OSBPL9: variants seen among roughly 807,000 people sequenced by gnomAD.
OSBPL9 encodes oxysterol binding protein like 9, also known as oxysterol-binding protein-related protein 9.
OSBPL9 carries 40 observed loss-of-function variants against 106.6 expected under a neutral mutation model. That is an observed-to-expected ratio of 0.38 (90% confidence interval 0.29 to 0.49). The LOEUF (loss-of-function observed/expected upper bound fraction) is 0.49, where lower values mean the gene tolerates loss of function less well. Ranked by LOEUF, OSBPL9 falls within the 20% of genes least tolerant of loss-of-function variation. The pLI is 0.97. For synonymous variants in OSBPL9, 269 were observed against 295.4 expected (o/e 0.91, Z 0.92); for missense variants, 609 against 887.2 (o/e 0.69, Z 3.98).
chr1:51,675,379 T>G (rs1650942753), intron 3 of OSBPL9, among the ~76,000 whole-genome samples: 1 of 151,568 alleles, frequency 6.6e-6, no homozygotes, highest in African/African-American at 2.4e-5. Flanking sequence ...ATTTATTTAT[T>G]TATTTATTTT....
chr1:51,760,659 A>C, intron 9 of OSBPL9, 31 bp from the exon 10 acceptor site: 1 of 1,612,834 alleles, frequency 6.2e-7, no homozygotes, highest in South Asian at 1.1e-5. Flanking sequence ...CATTTAATTA[A>C]AAATAGCTAT....
intron 2 of OSBPL9, among the ~76,000 whole-genome samples, chr1:51,601,199 T>C (rs1247392462): frequency 6.6e-6 from 1 of 152,230 alleles, no homozygotes; most frequent in African/African-American, 2.4e-5. Context: ...CCTCTGCAGA[T>C]TTAATTACAA....
Position 51,595,441 on chromosome 1 carries a change from T to A in OSBPL9, c.-422-2683T>A, listed in dbSNP as rs573637208. 3.3e-5 allele frequency among the ~76,000 whole-genome samples: 5 copies of A among 152,282 alleles called. No individual in the cohort carries two copies. In the South Asian group the frequency reaches 1.0e-3, roughly 32 times the overall value. On this transcript the variant is annotated intron_variant, in intron 1 of 25. Transcript: ENST00000371714. ...AGAAACCACGATGATATCTGTTTAT[T>A]TTAACAGAAATGCAGGGCCTGAGGG...
At chr1:51,746,265 T>G (rs959591063) in intron 5 of OSBPL9, among the ~76,000 whole-genome samples, 2 of 152,224 alleles carry the variant, frequency 1.3e-5, no homozygotes, top group Non-Finnish European at 2.9e-5. Context: ...TCTAACACTT[T>G]TTTAATTTGA....
At chr1:51,770,866 C>T (rs1342037735) in intron 12 of OSBPL9, among the ~76,000 whole-genome samples, 1 of 152,140 alleles carries the variant, frequency 6.6e-6, no homozygotes, top group Non-Finnish European at 1.5e-5. Flanking sequence ...TGAAACTATT[C>T]TGTATGATAC....
intron 2 of OSBPL9, among the ~76,000 whole-genome samples, 177 bp from the exon 3 acceptor site, chr1:51,669,257 C>T (rs61068791): frequency 9.6e-4 from 146 of 152,306 alleles, no homozygotes; most frequent in African/African-American, 3.3e-3. Flanking sequence ...AGTGTCCTGC[C>T]AGCTCCTCTC....
At chr1:51,718,274 A>G (rs1661442090) in intron 4 of OSBPL9, among the ~76,000 whole-genome samples, 1 of 152,180 alleles carries the variant, frequency 6.6e-6, no homozygotes, top group Non-Finnish European at 1.5e-5. Context: ...ATGAGAACGA[A>G]TAAGATCTAC....
At chr1:51,566,397 G>A in the OSBPL9 span, 6,030 of 152,202 alleles carry the variant, frequency 0.04, 175 homozygotes, top group Non-Finnish European at 0.062. Context: ...TGGTTTCTGG[G>A]CGTAGGGTCT....
At chr1:51,713,935 T>A in intron 3 of OSBPL9, 68 bp from the exon 4 acceptor site, 1 of 1,234,108 alleles carries the variant, frequency 8.1e-7, no homozygotes. Flanking sequence ...TTTAAAATGA[T>A]ATTTTCAAAT....
chr1:51,616,804 G>T (rs181024488), upstream of OSBPL9: 1 of 261,782 alleles, frequency 3.8e-6, no homozygotes, highest in Admixed American at 5.0e-5. Context: ...GAAGTGGAAG[G>T]TATCATGGCC....
chr1:51,587,053 C>G (rs1645251023), intron 1 of OSBPL9, among the ~76,000 whole-genome samples: 1 of 152,148 alleles, frequency 6.6e-6, no homozygotes, highest in Non-Finnish European at 1.5e-5. Context: ...CACCCTAGGC[C>G]TTGTCATCAG....
the OSBPL9 span, among the ~76,000 whole-genome samples, chr1:51,543,009 C>A: frequency 0.078 from 11,855 of 152,216 alleles, 526 homozygotes; most frequent in Middle Eastern, 0.1. Context: ...CTAAATCCTT[C>A]ATGTGTAAAA....
intron 2 of OSBPL9, among the ~76,000 whole-genome samples, chr1:51,601,663 C>T (rs1240750573): frequency 6.6e-6 from 1 of 152,220 alleles, no homozygotes; most frequent in East Asian, 1.9e-4. Context: ...AGTTTCTTCT[C>T]CCTGAGTAAG....
intron 2 of OSBPL9, among the ~76,000 whole-genome samples, chr1:51,664,664 C>G (rs1215909425): frequency 6.6e-6 from 1 of 151,998 alleles, no homozygotes; most frequent in Non-Finnish European, 1.5e-5. Context: ...TGCAGTCCAA[C>G]CTTGGCAACA....
At chr1:51,619,556 G>A (rs1230219982) in intron 1 of OSBPL9, among the ~76,000 whole-genome samples, 1 of 152,042 alleles carries the variant, frequency 6.6e-6, no homozygotes, top group African/African-American at 2.4e-5. Context: ...ACTAACAGCT[G>A]TTTAGAAGAT....
intron 4 of OSBPL9, chr1:51,740,207 TAATTGTAAGTGATTG>T: frequency 6.5e-7 from 1 of 1,538,190 alleles, no homozygotes; most frequent in Non-Finnish European, 8.7e-7. Context: ...TTTTCAAAAA[TAATTGTAAGTGATTG>T]AATTGTAAGT....
At chr1:51,777,909 T>C (rs1675436197) in intron 15 of OSBPL9, among the ~76,000 whole-genome samples, 1 of 152,104 alleles carries the variant, frequency 6.6e-6, no homozygotes, top group South Asian at 2.1e-4. Context: ...TCCCAGCACT[T>C]TGGGAGGCCA....
chr1:51,705,400 T>TATATATATATA (rs1465007339), intron 3 of OSBPL9, among the ~76,000 whole-genome samples: 5 of 34,734 alleles, frequency 1.4e-4, no homozygotes, highest in African/African-American at 6.1e-4. Context: ...TATATATATA[T>TATATATATATA]TTTTTTTTTT....
chr1:51,547,702 G>A, the OSBPL9 span, among the ~76,000 whole-genome samples: 10 of 151,974 alleles, frequency 6.6e-5, no homozygotes, highest in Admixed American at 5.2e-4. Context: ...AAATTAGCTG[G>A]GCATGGTGGT....
Sources: allele counts gnomAD v4.1 joint callset (sites outside exome capture counted in the v4.1 genomes callset), GRCh38; gene constraint gnomAD v4.1.1; transcripts MANE v1.5; gene names NCBI Gene and HGNC (gene_info 2026-07-23, HGNC 2026-07-21).